The following PDE6A variants were observed in gnomAD, a reference collection of about 807,000 sequenced individuals.
PDE6A encodes phosphodiesterase 6A.
PDE6A carries 84 observed loss-of-function variants against 106.3 expected under a neutral mutation model. The observed-to-expected ratio is 0.79, with a 90% CI of 0.66 to 0.95. The LOEUF is 0.95. Ranked by LOEUF, PDE6A falls within the 40% of genes least tolerant of loss-of-function variation. The pLI, the probability that PDE6A is intolerant of heterozygous loss-of-function variation, is 0.00. For missense variants in PDE6A, 1,052 were observed against 1,084.9 expected, an observed-to-expected ratio of 0.97 and a Z score of 0.43; for synonymous variants, 394 against 386.6, an observed-to-expected ratio of 1.02 and a Z score of -0.23.
chr5:149,885,018 A>G (rs1481919527), intron 14 of PDE6A, 151 bp from the exon 15 acceptor site: 2 of 695,686 alleles, frequency 2.9e-6, no homozygotes, highest in East Asian at 2.7e-5. Context: ...ACTAAATAGC[A>G]TGGACCCCTT....
At chr5:149,867,131 A>G (rs1398478344) in intron 19 of PDE6A, 2 of 177,920 alleles carry the variant, frequency 1.1e-5, no homozygotes, top group African/African-American at 2.4e-5. Context: ...TTGTCCCCAC[A>G]ATGTCTCTCT....
At chr5:149,886,887 G>C (rs934671240) in intron 13 of PDE6A, among the ~76,000 whole-genome samples, 1 of 152,166 alleles carries the variant, frequency 6.6e-6, no homozygotes, top group Admixed American at 6.5e-5. Context: ...CCAAATGTGG[G>C]AAAGTGCTCT....
At chr5:149,877,892 T>C (rs1437474588) in intron 17 of PDE6A, among the ~76,000 whole-genome samples, 1 of 152,152 alleles carries the variant, frequency 6.6e-6, no homozygotes, top group Non-Finnish European at 1.5e-5. Context: ...TCCAAGGGGT[T>C]TTCAGGGCTA....
chr5:149,941,580 G>A (rs1368427), intron 1 of PDE6A, among the ~76,000 whole-genome samples: 31,490 of 152,066 alleles, frequency 0.21, 3,625 homozygotes, highest in South Asian at 0.3. Context: ...TTGTGCCTCC[G>A]CATGTAAAGC....
At chr5:149,916,894 G>A (rs1305751451) in intron 5 of PDE6A, among the ~76,000 whole-genome samples, 1 of 152,140 alleles carries the variant, frequency 6.6e-6, no homozygotes, top group African/African-American at 2.4e-5. Context: ...CTTGAACAGG[G>A]TTGCTCAGAG....
intron 5 of PDE6A, among the ~76,000 whole-genome samples, chr5:149,918,473 G>A (rs145950123): frequency 6.6e-6 from 1 of 152,368 alleles, no homozygotes; most frequent in East Asian, 1.9e-4. Context: ...TTTGCTAACA[G>A]CAGCTGCTTC....
chr5:149,889,091 A>AAAAAAAAAAAAAAAAAAAAAAAAAAC (rs1752443431), intron 13 of PDE6A, among the ~76,000 whole-genome samples: 1 of 150,700 alleles, frequency 6.6e-6, no homozygotes, highest in Non-Finnish European at 1.5e-5. Flanking sequence ...CAAAAAAAAA[A>AAAAAAAAAAAAAAAAAAAAAAAAAAC]AAAAAAAGAT....
chr5:149,943,196 G>A (rs1034944630), intron 1 of PDE6A, among the ~76,000 whole-genome samples: 4 of 152,140 alleles, frequency 2.6e-5, no homozygotes, highest in Admixed American at 6.5e-5. Context: ...CTGGGTACTC[G>A]AGACTGGAGA....
Position 149,905,079 on chromosome 5 carries a change from G to A in PDE6A, c.1066-1384C>T, listed in dbSNP as rs111451325. On this transcript the variant is annotated intron_variant, in intron 7 of 21. Transcript: ENST00000255266. ...TTCAATTCTCTCACCAGTTCACTCT[G>A]CTGCATGTCATCATTTCCTTCCCTG... 1.4e-4 allele frequency among the ~76,000 whole-genome samples: 21 copies of A among 152,168 alleles called. 1 individual carries two copies. The highest frequency in any genetic ancestry group is 5.1e-4 in the African/African-American group (21 of 41,522).
At chr5:149,902,241 T>C (rs1753004004) in intron 8 of PDE6A, among the ~76,000 whole-genome samples, 1 of 152,186 alleles carries the variant, frequency 6.6e-6, no homozygotes, top group African/African-American at 2.4e-5. Context: ...GCCATCTTTT[T>C]CCTGCAATCT....
intron 1 of PDE6A, among the ~76,000 whole-genome samples, chr5:149,942,004 C>G (rs764382967): frequency 1.3e-5 from 2 of 152,096 alleles, no homozygotes; most frequent in South Asian, 2.1e-4. Flanking sequence ...CTCTGGCACT[C>G]AAGCTGGAGT....
intron 8 of PDE6A, among the ~76,000 whole-genome samples, chr5:149,902,421 C>A (rs920745771): frequency 4.6e-5 from 7 of 151,706 alleles, no homozygotes; most frequent in African/African-American, 1.7e-4. Flanking sequence ...GAGACAAAGA[C>A]TATGCTTGTC....
Position 149,858,826 on chromosome 5 carries a change from TC to T in PDE6A, c.*2068del, listed in dbSNP as rs57328066. 31,171 of 75,302 alleles carry T rather than the reference TC, an allele frequency of 0.41. 8,032 individuals are homozygous for T. The highest frequency in any genetic ancestry group is 0.44 in the African/African-American group (9,718 of 22,038). 4.7% of individuals were successfully genotyped at this position (75,302 alleles called of 1,614,324 possible). ...TTCTATCTGCCACATCTTTTTTTTT[TC>T]TTTTTTTTTTTTTTGAGACGGAGTC... On this transcript the variant is annotated 3_prime_UTR_variant, in exon 22 of 22. Transcript: ENST00000255266.
Position 149,915,032 on chromosome 5 carries a change from CTTT to C in PDE6A, c.934-28_934-26del, listed in dbSNP as rs60750624. 0.11 allele frequency: 83,237 copies of C among 780,790 alleles called. 51 individuals are homozygous for C. Among genetic ancestry groups the C allele is most frequent in the Admixed American group, 0.14 (4,327 of 32,006 alleles). The allele number at this position is 780,790 out of a possible 1,614,324, so 48.4% of individuals were successfully genotyped here. ...CCTGGCAAAAGAGAGAAAAATTATACTTTTTTTTTTTTTTTTTTTTTTGAGACA... is the reference window on the plus strand; with the variant it reads ...CCTGGCAAAAGAGAGAAAAATTATACTTTTTTTTTTTTTTTTTTTGAGACA... On this transcript the variant is annotated intron_variant, in intron 5 of 21. Coordinates refer to ENST00000255266, the MANE Select transcript of PDE6A (RefSeq NM_000440.3).
At chr5:149,941,184 T>A (rs771696379) in intron 1 of PDE6A, among the ~76,000 whole-genome samples, 18 of 152,220 alleles carry the variant, frequency 1.2e-4, no homozygotes, top group Non-Finnish European at 2.6e-4. Context: ...ACCAAGCACA[T>A]GCTTTGTGCC....
chr5:149,935,564 A>G (rs1020623675), intron 1 of PDE6A, among the ~76,000 whole-genome samples: 12 of 152,184 alleles, frequency 7.9e-5, no homozygotes, highest in Non-Finnish European at 1.2e-4. Context: ...GTAGGTCACA[A>G]GGGATTGGCT....
At chr5:149,909,614 T>C (rs1005128233) in intron 6 of PDE6A, among the ~76,000 whole-genome samples, 3 of 152,242 alleles carry the variant, frequency 2.0e-5, no homozygotes, top group Non-Finnish European at 4.4e-5. Context: ...CTATTTTCAG[T>C]TGAGACCCTG....
intron 5 of PDE6A, among the ~76,000 whole-genome samples, chr5:149,920,851 C>T (rs911568264): frequency 6.7e-6 from 1 of 148,936 alleles, no homozygotes. Context: ...GCCTAGGCAA[C>T]ATACAAAGAC....
rs560748246 is a variant in PDE6A, at chr5:149,884,925, C to T, written c.1839-58G>A. 166 of 1,320,400 alleles carry T rather than the reference C, an allele frequency of 1.3e-4. 2 individuals are homozygous for T. Among genetic ancestry groups the T allele is most frequent in the South Asian group, 7.5e-4 (64 of 84,860 alleles). 81.8% of individuals were successfully genotyped at this position (1,320,400 alleles called of 1,614,324 possible). A position where few individuals can be genotyped will look rare whatever the true frequency, so the allele number is the denominator to read the frequency against. On this transcript the variant is annotated intron_variant, in intron 14 of 21. Transcript: ENST00000255266. ...TGGACAATAGAAAATTAGGACTAAACATCAAGTCTCCTGACTCAGTCTTCA... is the reference window on the plus strand; with the variant it reads ...TGGACAATAGAAAATTAGGACTAAATATCAAGTCTCCTGACTCAGTCTTCA...
Sources: gnomAD v4.1 joint callset for allele counts (sites outside exome capture counted in the v4.1 genomes callset) on GRCh38, gnomAD v4.1.1 for gene constraint, MANE v1.5 for transcripts, NCBI Gene and HGNC (gene_info 2026-07-23, HGNC 2026-07-21) for gene names.